The following ITGA11 variants were observed in gnomAD, a reference collection of about 807,000 sequenced individuals.
The protein encoded by ITGA11 is integrin subunit alpha 11.
In ITGA11, 97 loss-of-function variants were observed where a neutral mutation model predicts 141.9. The ratio of observed to expected loss-of-function variants is 0.68; its 90% CI spans 0.58 to 0.81. The LOEUF (loss-of-function observed/expected upper bound fraction) is 0.81, where lower values mean the gene tolerates loss of function less well. Among genes scored for constraint, ITGA11 ranks in the 30% least tolerant of loss-of-function variants. ITGA11 has a pLI of 0.00. For missense variants in ITGA11, 1,387 were observed against 1,559.2 expected, an observed-to-expected ratio of 0.89 and a Z score of 1.86; for synonymous variants, 658 against 624.6, an observed-to-expected ratio of 1.05 and a Z score of -0.80.
chr15:68,339,197 A>G (rs1208042908), intron 11 of ITGA11, among the ~76,000 whole-genome samples: 1 of 152,252 alleles, frequency 6.6e-6, no homozygotes, highest in East Asian at 1.9e-4. Flanking sequence ...TTTAAGGCAC[A>G]ACAACAGCTG....
chr15:68,342,088 T>C (rs1451550987), intron 10 of ITGA11, among the ~76,000 whole-genome samples: 1 of 152,184 alleles, frequency 6.6e-6, no homozygotes. Flanking sequence ...AGCCTTAGTA[T>C]GTCACAATCT....
At chr15:68,315,815 T>C (rs1595854248) in intron 21 of ITGA11, 88 bp from the exon 22 acceptor site, 2 of 1,126,992 alleles carry the variant, frequency 1.8e-6, no homozygotes, top group Admixed American at 5.1e-5. Context: ...CCCTGCTGGC[T>C]TGGGGAGAGG....
At chr15:68,367,904 C>T (rs1186085679) in intron 3 of ITGA11, among the ~76,000 whole-genome samples, 1 of 152,208 alleles carries the variant, frequency 6.6e-6, no homozygotes, top group Non-Finnish European at 1.5e-5. Context: ...CCTGTGTTCT[C>T]AGGGTGCTGA....
chr15:68,402,926 G>T lies in ITGA11; in HGVS notation c.156C>A (p.Gly52=), dbSNP rs776308299. ...CGGCCGCTCTCACTCACCACTTATT[G>T]CCACTGATGTCGTGCTGCTGCACTG... ...GYTVQQHDIS[G]NKWLVVGAPL... Residue 52 remains glycine (G), a synonymous_variant, in exon 2 of 30, where the codon GGC becomes GGA. Coordinates refer to ENST00000315757, the MANE Select transcript of ITGA11 (RefSeq NM_001004439.2). The T allele has an allele frequency of 2.5e-6, 4 of 1,611,664 alleles. No individual in the cohort carries two copies. The highest frequency in any genetic ancestry group is 1.6e-4 in the Middle Eastern group (1 of 6,082).
chr15:68,343,724 T>C (rs1894644879), intron 10 of ITGA11, among the ~76,000 whole-genome samples: 2 of 152,200 alleles, frequency 1.3e-5, no homozygotes, highest in Admixed American at 6.5e-5. Context: ...GGTGAGGCTC[T>C]GTTCCCAGGA....
rs1192411654 is a variant in ITGA11, at chr15:68,335,183, T to A, written c.1425+514A>T. ...GGCCTGATTTTGGGGTTATTTGGGGTCAGGAGGTGGCATGATGCAGGCAGC... is the reference window on the plus strand; with the variant it reads ...GGCCTGATTTTGGGGTTATTTGGGGACAGGAGGTGGCATGATGCAGGCAGC... On this transcript the variant is annotated intron_variant, in intron 12 of 29. Transcript: ENST00000315757. The surrounding 1 kb of genome is among the most constrained non-coding windows in gnomAD (Gnocchi z 4.9). Among the ~76,000 whole-genome samples the A allele has an allele frequency of 6.6e-6, 1 of 151,666 alleles. No homozygotes were observed. Among genetic ancestry groups the A allele is most frequent in the Non-Finnish European group, 1.5e-5 (1 of 67,882 alleles).
At chr15:68,413,433 A>G (rs1368671021) in intron 1 of ITGA11, among the ~76,000 whole-genome samples, 1 of 152,182 alleles carries the variant, frequency 6.6e-6, no homozygotes, top group African/African-American at 2.4e-5. Flanking sequence ...GAGGACACCA[A>G]GCTGGCTGAG....
At chr15:68,349,076 C>G (rs1426168942) in intron 9 of ITGA11, among the ~76,000 whole-genome samples, 176 bp from the exon 10 acceptor site, 1 of 152,210 alleles carries the variant, frequency 6.6e-6, no homozygotes, top group Non-Finnish European at 1.5e-5. Context: ...TCAGCCCTCC[C>G]CAGCACCCTG....
At chr15:68,398,444 A>G (rs1416390140) in intron 2 of ITGA11, among the ~76,000 whole-genome samples, 1 of 150,660 alleles carries the variant, frequency 6.6e-6, no homozygotes. Context: ...TTCAACAATA[A>G]GAGCTAACTA....
At position 68,307,790 on chromosome 15, in the gene ITGA11, G is replaced by C; in HGVS notation, c.3175-94C>G. ...GAACGACTGGGGCTCTGCTCCTGGG[G>C]GCAGGGGCAGAGGACAGGGGACAAA... On this transcript the variant is annotated intron_variant, in intron 26 of 29. Transcript: ENST00000315757. This position sits in a 1 kb window ranked among gnomAD's most constrained non-coding sequence, Gnocchi z 6.1. 1.2e-6 allele frequency: 1 copy of C among 804,556 alleles called. No individual in the cohort carries two copies. The highest frequency in any genetic ancestry group is 1.6e-5 in the South Asian group (1 of 62,790). The allele number at this position is 804,556 out of a possible 1,614,324, so 49.8% of individuals were successfully genotyped here. A position where few individuals can be genotyped will look rare whatever the true frequency, so the allele number is the denominator to read the frequency against.
chr15:68,326,165 T>A lies in ITGA11; in HGVS notation c.2211+489A>T, dbSNP rs1270452147. On this transcript the variant is annotated intron_variant, in intron 17 of 29. Transcript: ENST00000315757. The surrounding 1 kb of genome is among the most constrained non-coding windows in gnomAD (Gnocchi z 6.8). ...GGAGCTGTGAGCTGGGTATTTGGTA[T>A]CTCTGGATGGAAGTAAACCTCTCAT... Among the ~76,000 whole-genome samples the A allele has an allele frequency of 1.3e-5, 2 of 152,178 alleles. No individual in the cohort carries two copies. The highest frequency in any genetic ancestry group is 4.8e-5 in the African/African-American group (2 of 41,442).
chr15:68,353,285 T>C (rs1397862990), intron 7 of ITGA11, among the ~76,000 whole-genome samples: 3 of 152,224 alleles, frequency 2.0e-5, no homozygotes, highest in African/African-American at 4.8e-5. Context: ...ATATGCTGGA[T>C]ATGTTGCCTT....
chr15:68,331,017 A>G lies in ITGA11; in HGVS notation c.1865T>C (p.Leu622Pro). The change falls in exon 15 of 30, where the codon CTG becomes CCG. Residue 622 changes from leucine to proline, a missense_variant. Transcript: ENST00000315757. ...AGCGTTGCCAAGGGCTCCCACTGCC[A>G]GGTCGATGAGCCCATCCTCATTGAG... is the stretch of plus-strand genomic sequence containing the variant. ...LDLNEDGLID[L>P]AVGALGNAVI... 2.5e-6 allele frequency: 4 copies of G among 1,613,818 alleles called. No individual in the cohort carries two copies. Among genetic ancestry groups the G allele is most frequent in the South Asian group, 1.1e-5 (1 of 90,986 alleles).
chr15:68,402,155 C>G (rs373927357), intron 2 of ITGA11, among the ~76,000 whole-genome samples: 54 of 152,070 alleles, frequency 3.6e-4, no homozygotes, highest in African/African-American at 1.2e-3. Context: ...CTTGACTATG[C>G]AAGGGCTTCT....
At position 68,321,593 on chromosome 15, in the gene ITGA11, A is replaced by G; in HGVS notation, c.2323-90T>C. ...ACACCAGCTCTGTCTCCACCACACT[A>G]GACATGGGCTGGCTTTCCTGCACTG... is the stretch of plus-strand genomic sequence containing the variant. On this transcript the variant is annotated intron_variant, in intron 18 of 29. Coordinates refer to ENST00000315757, the MANE Select transcript of ITGA11 (RefSeq NM_001004439.2). The surrounding 1 kb of genome is among the most constrained non-coding windows in gnomAD (Gnocchi z 4.9). 1 of 713,502 alleles carries G rather than the reference A, an allele frequency of 1.4e-6. No homozygotes were observed. Among genetic ancestry groups the G allele is most frequent in the Non-Finnish European group, 2.3e-6 (1 of 442,262 alleles). The allele number at this position is 713,502 out of a possible 1,614,324, so 44.2% of individuals were successfully genotyped here.
chr15:68,390,835 G>T (rs980100707), intron 2 of ITGA11, among the ~76,000 whole-genome samples: 2 of 152,232 alleles, frequency 1.3e-5, no homozygotes, highest in South Asian at 2.1e-4. Context: ...GTTGGCAGAG[G>T]TTCTCCCAAG....
chr15:68,341,889 G>A (rs75205230), intron 10 of ITGA11, among the ~76,000 whole-genome samples: 2,843 of 152,314 alleles, frequency 0.019, 98 homozygotes, highest in African/African-American at 0.063. Flanking sequence ...ATGACTTCTG[G>A]ATTTGGCAAC....
At chr15:68,399,507 G>A (rs921736266) in intron 2 of ITGA11, among the ~76,000 whole-genome samples, 2 of 152,048 alleles carry the variant, frequency 1.3e-5, no homozygotes, top group African/African-American at 4.8e-5. Context: ...ACATGCACTT[G>A]TATGTTTTAT....
chr15:68,356,997 A>T, intron 7 of ITGA11, 154 bp downstream of exon 7: 1 of 701,510 alleles, frequency 1.4e-6, no homozygotes, highest in Non-Finnish European at 2.3e-6. Flanking sequence ...GAGAAAACCG[A>T]CCAGCTGAGC....
Sources: allele counts gnomAD v4.1 joint callset (sites outside exome capture counted in the v4.1 genomes callset), GRCh38; gene constraint gnomAD v4.1.1; non-coding constraint Gnocchi (gnomAD v3.1); transcripts MANE v1.5; gene names NCBI Gene and HGNC (gene_info 2026-07-23, HGNC 2026-07-21).